Variants in USP4 observed in about 807,000 individuals in gnomAD.
The protein encoded by USP4 is ubiquitin carboxyl-terminal hydrolase 4.
Under a neutral mutation model 118.2 loss-of-function variants are expected in USP4, and 72 were observed. That is an observed-to-expected ratio of 0.61 (90% CI 0.50 to 0.74). USP4 has a LOEUF of 0.74. USP4 is among the 30% of genes least tolerant of loss of function. The pLI, the probability that USP4 is intolerant of heterozygous loss-of-function variation, is 0.00. For synonymous variants in USP4, 415 were observed against 440.4 expected (o/e 0.94, Z 0.72); for missense variants, 1,037 against 1,185.7 (o/e 0.87, Z 1.84).
At position 49,305,726 on chromosome 3, in the gene USP4, G is replaced by C. The variant is rs749157865; in HGVS notation, c.1117C>G (p.Arg373Gly). 1 of 1,607,074 alleles carries C rather than the reference G, an allele frequency of 6.2e-7. No homozygotes were observed. Among genetic ancestry groups the C allele is most frequent in the Non-Finnish European group, 8.5e-7 (1 of 1,176,824 alleles). ...ATATGTCTACCTACTTTGAACATGCGAGGTGCCACATGGGCGTCCCTTCCA... is the reference window on the plus strand; with the variant it reads ...ATATGTCTACCTACTTTGAACATGCCAGGTGCCACATGGGCGTCCCTTCCA... ...WSGRDAHVAPRMFKTQVGRFA... is the reference protein window; with the variant it reads ...WSGRDAHVAPGMFKTQVGRFA... Residue 373 changes from arginine (R) to glycine (G), a missense_variant, in exon 9 of 22, where the codon CGC becomes GGC. By Grantham distance (125) the Arg-to-Gly change is moderately radical. Transcript: ENST00000265560.
At chr3:49,298,108 A>G (rs1031317847) in intron 12 of USP4, 144 bp from the exon 13 acceptor site, 5 of 628,808 alleles carry the variant, frequency 8.0e-6, no homozygotes, top group Non-Finnish European at 1.4e-5. Flanking sequence ...AGCCCCAGAG[A>G]GCTGAGGGCC....
intron 19 of USP4, among the ~76,000 whole-genome samples, chr3:49,282,750 GA>G (rs2047047454): frequency 1.3e-5 from 2 of 151,536 alleles, no homozygotes. Context: ...CTCTGTTGCT[GA>G]GGCTGGAGTG....
chr3:49,298,370 G>A (rs1211448421), intron 12 of USP4, among the ~76,000 whole-genome samples, 182 bp downstream of exon 12: 1 of 152,212 alleles, frequency 6.6e-6, no homozygotes, highest in African/African-American at 2.4e-5. Context: ...GTTTCCTGGA[G>A]CTGGAAGGGA....
chr3:49,324,695 CACTT>C lies in USP4; in HGVS notation c.695+3_695+6del. 3.7e-6 allele frequency: 6 copies of C among 1,613,908 alleles called. No homozygotes were observed. The highest frequency in any genetic ancestry group is 5.1e-6 in the Non-Finnish European group (6 of 1,179,774). On this transcript the variant is annotated splice_donor_5th_base_variant and intron_variant, in intron 6 of 21. Transcript: ENST00000265560. ...AGCCTACAACAAGGGAGAAAAAATT[CACTT>C]ACTTTGACTGCAAGGTCTGCCTGGG...
chr3:49,281,232 G>A (rs1422355612), intron 19 of USP4, among the ~76,000 whole-genome samples: 5 of 151,982 alleles, frequency 3.3e-5, no homozygotes, highest in East Asian at 3.9e-4. Context: ...CAAGGCAGGC[G>A]GATCACGAGA....
chr3:49,310,846 C>T lies in USP4; in HGVS notation c.837-109G>A, dbSNP rs966994044. ...CTCTAGAACTTGTGTGGTAGTAAGC[C>T]CATGATGCAAATTCCCTCTACTCCC... On this transcript the variant is annotated intron_variant, in intron 7 of 21. Coordinates refer to ENST00000265560, the MANE Select transcript of USP4 (RefSeq NM_003363.4). The T allele has an allele frequency of 3.7e-6, 3 of 817,010 alleles. No individual in the cohort carries two copies. The African/African-American group carries it at 5.2e-5, about 14-fold the overall frequency. The allele number at this position is 817,010 out of a possible 1,614,324, so 50.6% of individuals were successfully genotyped here.
chr3:49,331,493 T>C (rs960253579), intron 2 of USP4, among the ~76,000 whole-genome samples: 1 of 151,800 alleles, frequency 6.6e-6, no homozygotes, highest in Non-Finnish European at 1.5e-5. Flanking sequence ...TGGTGGTGCA[T>C]GTCTGTAATC....
intron 18 of USP4, 134 bp downstream of exon 18, chr3:49,284,332 A>G: frequency 9.7e-7 from 1 of 1,036,176 alleles, no homozygotes; most frequent in Non-Finnish European, 1.4e-6. Context: ...CTCACAGAGG[A>G]TTATGTTGTA....
Position 49,311,595 on chromosome 3 carries a change from T to C in USP4, c.755A>G (p.Tyr252Cys), listed in dbSNP as rs777154609. The C allele has an allele frequency of 1.5e-5, 25 of 1,613,908 alleles. No individual in the cohort carries two copies. The highest frequency in any genetic ancestry group is 1.9e-5 in the Non-Finnish European group (23 of 1,179,946). ...AATGAGAGAGGCAGACACTGAGGAATAGGGACTTGCTGATGATTTTGGAGA... is the reference window on the plus strand; with the variant it reads ...AATGAGAGAGGCAGACACTGAGGAACAGGGACTTGCTGATGATTTTGGAGA... Reference protein sequence around the residue: ...TTSPKSSASPYSSVSASLIAN... With the variant: ...TTSPKSSASPCSSVSASLIAN... The change falls in exon 7 of 22, where the codon TAT becomes TGT. Residue 252 changes from tyrosine (Y) to cysteine (C), a missense_variant. Physicochemically the swap from Tyr to Cys is radical, Grantham distance 194. Around this residue, in one of 3 missense-constraint regions of USP4, gnomAD observed 487 missense variants for 534.1 expected, o/e 0.91. Transcript: ENST00000265560.
intron 19 of USP4, among the ~76,000 whole-genome samples, chr3:49,282,036 AAAC>A (rs559233820): frequency 4.0e-5 from 6 of 151,822 alleles, no homozygotes; most frequent in South Asian, 2.1e-4. Context: ...AAAACAAAAA[AAAC>A]AACAACAACA....
At chr3:49,317,079 T>C (rs1199967139) in intron 6 of USP4, 16 of 1,274,636 alleles carry the variant, frequency 1.3e-5, no homozygotes, top group Non-Finnish European at 1.7e-5. Context: ...GCCCATGGTC[T>C]GGTCAGCTGT....
chr3:49,302,300 C>CAA, intron 10 of USP4, 84 bp downstream of exon 10: 1 of 1,494,248 alleles, frequency 6.7e-7, no homozygotes. Context: ...CAACAACACT[C>CAA]AAAGACCAGA....
chr3:49,313,530 A>G (rs1266485901), intron 6 of USP4, among the ~76,000 whole-genome samples: 1 of 150,172 alleles, frequency 6.7e-6, no homozygotes, highest in Non-Finnish European at 1.5e-5. Context: ...CTCCATCTCA[A>G]AAAAAAAAAG....
intron 19 of USP4, among the ~76,000 whole-genome samples, chr3:49,283,757 G>C (rs1016553875): frequency 2.6e-5 from 4 of 152,198 alleles, no homozygotes; most frequent in Admixed American, 1.3e-4. Flanking sequence ...TGGCAGGGGT[G>C]ACTGGCAGCA....
At position 49,325,790 on chromosome 3, in the gene USP4, T is replaced by C; in HGVS notation, c.416A>G (p.Glu139Gly). The C allele has an allele frequency of 6.2e-7, 1 of 1,614,014 alleles. No homozygotes were observed. Residue 139 changes from glutamate (E) to glycine (G), a missense_variant, in exon 4 of 22, where the codon GAA becomes GGA. Glu to Gly is a moderately conservative substitution (Grantham distance 98). This residue lies in a region of USP4 where 487 missense variants were observed against 534.1 expected (regional missense o/e 0.91). Transcript: ENST00000265560. ...KHCKVEVYLLELKLCENSDPT... is the reference protein window; with the variant it reads ...KHCKVEVYLLGLKLCENSDPT... The stretch of plus-strand genomic sequence containing the variant: ...GTCACTGTTCTCACAGAGCTTCAGT[T>C]CCAGCAAATACACCTCGACTTTGCA...
chr3:49,309,832 G>A (rs1227844699), intron 8 of USP4, among the ~76,000 whole-genome samples: 1 of 149,414 alleles, frequency 6.7e-6, no homozygotes. Context: ...TTGCCATGTT[G>A]GCTAGGCTGG....
At chr3:49,300,838 ACT>A in intron 10 of USP4, 147 bp from the exon 11 acceptor site, 1 of 687,222 alleles carries the variant, frequency 1.5e-6, no homozygotes, top group South Asian at 1.9e-5. Context: ...GGCCAGGACT[ACT>A]CTTAGTGTAT....
chr3:49,286,650 C>T (rs2047093027), intron 15 of USP4, among the ~76,000 whole-genome samples: 1 of 152,130 alleles, frequency 6.6e-6, no homozygotes, highest in African/African-American at 2.4e-5. Flanking sequence ...CTTGCAACTT[C>T]ACCATTAGGC....
chr3:49,280,430 G>A (rs1216470623), intron 20 of USP4, among the ~76,000 whole-genome samples: 16 of 151,846 alleles, frequency 1.1e-4, no homozygotes, highest in Admixed American at 3.9e-4. Context: ...GCGTGGTGGC[G>A]GGCGCCTGTA....
Sources: gnomAD v4.1 joint callset for allele counts (sites outside exome capture counted in the v4.1 genomes callset) on GRCh38, gnomAD v4.1.1 for gene constraint, gnomAD v4.1.1 regional missense constraint, MANE v1.5 for transcripts, NCBI Gene and HGNC (gene_info 2026-07-23, HGNC 2026-07-21) for gene names.